Variants in PTPRD observed in about 807,000 individuals in gnomAD.
PTPRD encodes the protein receptor-type tyrosine-protein phosphatase delta.
In PTPRD, 34 loss-of-function variants were observed where a neutral mutation model predicts 214.5. The ratio of observed to expected loss-of-function variants is 0.16; its 90% confidence interval spans 0.12 to 0.21. PTPRD has a LOEUF of 0.21. PTPRD is among the 10% of genes least tolerant of loss of function. The pLI, the probability that PTPRD is intolerant of heterozygous loss-of-function variation, is 1.00. For synonymous variants in PTPRD, 1,128 were observed against 845.7 expected, an observed-to-expected ratio of 1.33 and a Z score of -5.79; for missense variants, 2,545 against 2,398.7, an observed-to-expected ratio of 1.06 and a Z score of -1.27.
intron 3 of PTPRD, among the ~76,000 whole-genome samples, chr9:10,065,776 C>A (rs564081078): frequency 6.6e-6 from 1 of 151,686 alleles, no homozygotes; most frequent in South Asian, 2.1e-4. Context: ...CCCAAAGAAA[C>A]GGGGAAGAAA....
intron 12 of PTPRD, among the ~76,000 whole-genome samples, chr9:8,666,253 A>G (rs2097168671): frequency 6.6e-6 from 1 of 152,202 alleles, no homozygotes; most frequent in Non-Finnish European, 1.5e-5. Context: ...AAGAACCTAC[A>G]ACTAAAATGC....
chr9:9,249,454 T>A (rs2099974523), intron 9 of PTPRD, among the ~76,000 whole-genome samples: 3 of 152,106 alleles, frequency 2.0e-5, no homozygotes. Flanking sequence ...GATTTCTAAA[T>A]GTTGACAACC....
At chr9:10,096,609 G>C (rs887752697) in intron 3 of PTPRD, among the ~76,000 whole-genome samples, 2 of 151,736 alleles carry the variant, frequency 1.3e-5, no homozygotes, top group African/African-American at 4.8e-5. Flanking sequence ...TTGTAAATTT[G>C]TTTGAATTCA....
chr9:8,653,103 A>G (rs1001159796), intron 12 of PTPRD, among the ~76,000 whole-genome samples: 6 of 152,198 alleles, frequency 3.9e-5, no homozygotes, highest in Non-Finnish European at 7.3e-5. Context: ...AGACAGAGTA[A>G]AAGCTGCCTT....
At chr9:10,210,796 CATATATAT>C (rs35136618) in intron 3 of PTPRD, among the ~76,000 whole-genome samples, 1 of 76,730 alleles carries the variant, frequency 1.3e-5, no homozygotes, top group African/African-American at 4.1e-5. Flanking sequence ...CAAAAAACTT[CATATATAT>C]ATATATATAT....
chr9:8,477,819 A>T (rs2096795683), intron 30 of PTPRD, among the ~76,000 whole-genome samples: 1 of 152,166 alleles, frequency 6.6e-6, no homozygotes, highest in African/African-American at 2.4e-5. Context: ...GAAAAAAAAA[A>T]ATTCTATTTT....
At chr9:9,840,309 T>C (rs1394182667) in intron 5 of PTPRD, among the ~76,000 whole-genome samples, 3 of 152,160 alleles carry the variant, frequency 2.0e-5, no homozygotes, top group Non-Finnish European at 4.4e-5. Flanking sequence ...TGTATTTTCT[T>C]ATTTTTTCTA....
chr9:9,423,932 G>A (rs2079817656), intron 8 of PTPRD, among the ~76,000 whole-genome samples: 1 of 152,190 alleles, frequency 6.6e-6, no homozygotes, highest in Admixed American at 6.5e-5. Flanking sequence ...TCCTAGCAGA[G>A]TGGATTCTAT....
chr9:9,843,240 T>C (rs1038724608), intron 5 of PTPRD, among the ~76,000 whole-genome samples: 7 of 152,064 alleles, frequency 4.6e-5, no homozygotes, highest in Admixed American at 2.6e-4. Flanking sequence ...AAGTTGTTTG[T>C]AGACAAGGCG....
intron 33 of PTPRD, among the ~76,000 whole-genome samples, chr9:8,450,596 G>C (rs1019548954): frequency 2.6e-5 from 4 of 152,162 alleles, no homozygotes; most frequent in Admixed American, 6.5e-5. Context: ...ACAGTGCCTT[G>C]TTATAAATGT....
intron 5 of PTPRD, among the ~76,000 whole-genome samples, chr9:9,831,309 A>C (rs2054753144): frequency 6.6e-6 from 1 of 152,020 alleles, no homozygotes; most frequent in Non-Finnish European, 1.5e-5. Flanking sequence ...TATCTCTTTT[A>C]GCCTCAGGCT....
At chr9:10,390,197 T>C (rs901032918) in intron 2 of PTPRD, among the ~76,000 whole-genome samples, 2 of 151,852 alleles carry the variant, frequency 1.3e-5, no homozygotes, top group African/African-American at 4.8e-5. Context: ...CTTATCTCTG[T>C]ATTATAGATA....
chr9:10,418,491 ACACACAC>A (rs1587778058), intron 2 of PTPRD, among the ~76,000 whole-genome samples: 1 of 142,014 alleles, frequency 7.0e-6, no homozygotes, highest in East Asian at 2.1e-4. Flanking sequence ...ACACACACAC[ACACACAC>A]TTCATATCCT....
At chr9:9,982,743 T>C (rs112681920) in intron 4 of PTPRD, among the ~76,000 whole-genome samples, 48 of 152,080 alleles carry the variant, frequency 3.2e-4, no homozygotes, top group Admixed American at 1.4e-3. Context: ...CAAAAGGTCC[T>C]AAAAATTAAA....
chr9:9,290,800 G>A (rs761188229), intron 9 of PTPRD, among the ~76,000 whole-genome samples: 1 of 151,450 alleles, frequency 6.6e-6, no homozygotes, highest in African/African-American at 2.4e-5. Context: ...TTCCAGTGAT[G>A]AATATTATAA....
chr9:8,803,501 T>G (rs2096612266), intron 11 of PTPRD, among the ~76,000 whole-genome samples: 1 of 152,110 alleles, frequency 6.6e-6, no homozygotes, highest in South Asian at 2.1e-4. Flanking sequence ...AACCTTTGAG[T>G]TCTTTACACT....
chr9:8,495,918 A>G (rs1324780540), intron 26 of PTPRD, among the ~76,000 whole-genome samples: 2 of 152,076 alleles, frequency 1.3e-5, no homozygotes, highest in African/African-American at 2.4e-5. Context: ...TATTTCTTCT[A>G]TATCACTCTA....
intron 32 of PTPRD, among the ~76,000 whole-genome samples, chr9:8,464,010 T>C (rs901701604): frequency 6.6e-6 from 1 of 151,940 alleles, no homozygotes; most frequent in Non-Finnish European, 1.5e-5. Flanking sequence ...GCAACTTCAT[T>C]AACAAATTTG....
intron 7 of PTPRD, among the ~76,000 whole-genome samples, chr9:9,645,660 T>TG (rs1204114842): frequency 2.6e-5 from 4 of 151,948 alleles, no homozygotes; most frequent in Non-Finnish European, 5.9e-5. Context: ...TCCCCTTTCT[T>TG]GCTTTCCTCT....
Sources: allele counts gnomAD v4.1 joint callset (sites outside exome capture counted in the v4.1 genomes callset), GRCh38; gene constraint gnomAD v4.1.1; transcripts MANE v1.5; gene names NCBI Gene and HGNC (gene_info 2026-07-23, HGNC 2026-07-21).